COL11A1: variants seen among roughly 807,000 people sequenced by gnomAD.
The protein encoded by COL11A1 is collagen type XI alpha 1 chain.
Under a neutral mutation model 265.2 loss-of-function variants are expected in COL11A1, and 74 were observed. The ratio of observed to expected loss-of-function variants is 0.28; its 90% CI spans 0.23 to 0.34. COL11A1 has a LOEUF of 0.34. COL11A1 is among the 10% of genes least tolerant of loss of function. The pLI is 1.00. For missense variants in COL11A1, 2,165 were observed against 2,263.6 expected, an observed-to-expected ratio of 0.96 and a Z score of 0.88; for synonymous variants, 816 against 727.6, an observed-to-expected ratio of 1.12 and a Z score of -1.96.
intron 4 of COL11A1, among the ~76,000 whole-genome samples, chr1:103,053,214 C>A (rs972738035): frequency 2.6e-5 from 4 of 152,164 alleles, no homozygotes; most frequent in African/African-American, 9.7e-5. Flanking sequence ...TACTTTGGAT[C>A]TCTATAGAGC....
chr1:103,010,751 A>G (rs1341655912), intron 14 of COL11A1, among the ~76,000 whole-genome samples: 1 of 150,890 alleles, frequency 6.6e-6, no homozygotes, highest in African/African-American at 2.4e-5. Flanking sequence ...CCAAGGCTGG[A>G]GTGCAGTGGC....
chr1:102,960,785 G>A (rs1402735227), intron 41 of COL11A1, among the ~76,000 whole-genome samples: 1 of 151,802 alleles, frequency 6.6e-6, no homozygotes, highest in Non-Finnish European at 1.5e-5. Context: ...GAACTATGAA[G>A]ATGACTTGCT....
intron 30 of COL11A1, among the ~76,000 whole-genome samples, chr1:102,987,426 C>T (rs1032660353): frequency 6.6e-6 from 1 of 150,418 alleles, no homozygotes; most frequent in Non-Finnish European, 1.5e-5. Context: ...TAAGGTGTCA[C>T]TAAATACTTT....
intron 16 of COL11A1, 60 bp from the exon 17 acceptor site, chr1:103,006,181 A>ATAAATAAATAAAT: frequency 9.3e-7 from 1 of 1,071,654 alleles, no homozygotes. Context: ...AGGAAGTAAA[A>ATAAATAAATAAAT]TAAATAAATA....
At chr1:102,995,619 A>C (rs199698288) in intron 28 of COL11A1, among the ~76,000 whole-genome samples, 19 of 151,440 alleles carry the variant, frequency 1.3e-4, no homozygotes, top group African/African-American at 3.4e-4. Context: ...AAAAAAAAAA[A>C]GAAAAAGGAT....
At chr1:103,039,231 G>A (rs971394988) in intron 4 of COL11A1, among the ~76,000 whole-genome samples, 1 of 152,012 alleles carries the variant, frequency 6.6e-6, no homozygotes, top group Non-Finnish European at 1.5e-5. Context: ...AATAATAATT[G>A]GCAGAAAATT....
intron 54 of COL11A1, among the ~76,000 whole-genome samples, chr1:102,899,527 A>G (rs955913080): frequency 2.0e-5 from 3 of 152,152 alleles, no homozygotes; most frequent in African/African-American, 7.2e-5. Flanking sequence ...TATGCAGTTC[A>G]CATAAATAGG....
At chr1:103,018,790 CA>C in intron 10 of COL11A1, 27 bp downstream of exon 10, 1 of 1,585,312 alleles carries the variant, frequency 6.3e-7, no homozygotes, top group Non-Finnish European at 8.7e-7. Context: ...TTTAAATAGA[CA>C]AAAATAATCT....
chr1:102,988,602 A>G (rs1269686099), intron 29 of COL11A1, among the ~76,000 whole-genome samples: 4 of 152,116 alleles, frequency 2.6e-5, no homozygotes, highest in Non-Finnish European at 4.4e-5. Context: ...TTCATGAAAA[A>G]GAGGCTTGAA....
At chr1:102,884,161 C>T (rs1183376367) in intron 63 of COL11A1, among the ~76,000 whole-genome samples, 5 of 152,202 alleles carry the variant, frequency 3.3e-5, no homozygotes, top group Non-Finnish European at 5.9e-5. Flanking sequence ...TCTCTGACCT[C>T]TGCCCTCCTG....
At chr1:103,031,717 A>G (rs1356206483) in intron 4 of COL11A1, among the ~76,000 whole-genome samples, 2 of 152,012 alleles carry the variant, frequency 1.3e-5, no homozygotes, top group Non-Finnish European at 2.9e-5. Context: ...AAATATATAG[A>G]TCCAACTATT....
intron 13 of COL11A1, among the ~76,000 whole-genome samples, chr1:103,013,118 A>T (rs181676205): frequency 9.9e-5 from 15 of 152,278 alleles, no homozygotes; most frequent in African/African-American, 3.4e-4. Flanking sequence ...TAGATGTTAA[A>T]TTAGTATTGT....
Position 103,108,298 on chromosome 1 carries a change from G to A in COL11A1, c.-120C>T. The A allele has an allele frequency of 3.9e-6, 3 of 771,650 alleles. No individual in the cohort carries two copies. In the East Asian group the frequency reaches 7.9e-5, roughly 20 times the overall value. The allele number at this position is 771,650 out of a possible 1,614,324, so 47.8% of individuals were successfully genotyped here. On this transcript the variant is annotated 5_prime_UTR_variant, in exon 1 of 67. Transcript: ENST00000370096. ...CTACACAGCCATTGGGGAGGGAGAG[G>A]GGGAAAAAGTCAAAGGGCTTTTTCT...
intron 41 of COL11A1, among the ~76,000 whole-genome samples, chr1:102,947,951 TGTTA>T: frequency 6.6e-6 from 1 of 151,818 alleles, no homozygotes. Flanking sequence ...AAAATATAAT[TGTTA>T]GTATTTTTTC....
chr1:102,970,010 A>G (rs1238025073), intron 37 of COL11A1, among the ~76,000 whole-genome samples: 2 of 151,900 alleles, frequency 1.3e-5, no homozygotes, highest in African/African-American at 2.4e-5. Context: ...AATCATATCA[A>G]CTAACATCCT....
At chr1:103,025,302 G>A (rs1667425162) in intron 7 of COL11A1, among the ~76,000 whole-genome samples, 1 of 152,176 alleles carries the variant, frequency 6.6e-6, no homozygotes, top group South Asian at 2.1e-4. Context: ...TTTAGCATCT[G>A]CATGAAGCAA....
At chr1:102,940,239 C>G in intron 43 of COL11A1, 88 bp downstream of exon 43, 1 of 1,095,522 alleles carries the variant, frequency 9.1e-7, no homozygotes, top group Non-Finnish European at 1.4e-6. Flanking sequence ...CACCTGGCGC[C>G]TAATCATAAA....
chr1:102,997,561 T>C (rs1481003310), intron 25 of COL11A1, among the ~76,000 whole-genome samples: 3 of 151,922 alleles, frequency 2.0e-5, no homozygotes. Context: ...AGATCATAAA[T>C]GCTAACAGTG....
chr1:102,888,862 T>A lies in COL11A1; in HGVS notation c.4518+4A>T. 1 of 1,612,926 alleles carries A rather than the reference T, an allele frequency of 6.2e-7. No homozygotes were observed. Among genetic ancestry groups the A allele is most frequent in the Non-Finnish European group, 8.5e-7 (1 of 1,178,936 alleles). On this transcript the variant is annotated splice_donor_region_variant and intron_variant, in intron 60 of 66. Transcript: ENST00000370096. ...CTTATAAGGTTATTTTGTCTTGTAC[T>A]TACTGGTAAACCTGGAGGACCAGGT...
Sources: gnomAD v4.1 joint callset for allele counts (sites outside exome capture counted in the v4.1 genomes callset) on GRCh38, gnomAD v4.1.1 for gene constraint, MANE v1.5 for transcripts, NCBI Gene and HGNC (gene_info 2026-07-23, HGNC 2026-07-21) for gene names.